Variants in ASIC1 observed in about 807,000 individuals in gnomAD.
ASIC1 encodes acid-sensing ion channel 1.
In ASIC1, 21 loss-of-function variants were observed where a neutral mutation model predicts 63.4. That is an observed-to-expected ratio of 0.33 (90% confidence interval 0.23 to 0.48). The LOEUF is 0.48. ASIC1 is among the 20% of genes least tolerant of loss of function. The probability of loss-of-function intolerance (pLI) is 0.99; values close to 1 mark genes in which losing one functional copy is unlikely to be tolerated. For synonymous variants in ASIC1, 258 were observed against 278.2 expected (o/e 0.93, Z 0.72); for missense variants, 478 against 695.5 (o/e 0.69, Z 3.52).
rs1199271546 is a variant in ASIC1 at position 50,080,520 on chromosome 12, A to G, written c.1228A>G (p.Ile410Val). 1.2e-6 allele frequency: 2 copies of G among 1,613,970 alleles called. No individual in the cohort carries two copies. Among genetic ancestry groups the G allele is most frequent in the Non-Finnish European group, 1.7e-6 (2 of 1,180,026 alleles). ...YIGENILVLD[I>V]FFEVLNYETI... ...CAGGGAGAACATCCTGGTGCTGGACATTTTCTTTGAAGTCCTCAACTATGA... is the reference window on the plus strand; with the variant it reads ...CAGGGAGAACATCCTGGTGCTGGACGTTTTCTTTGAAGTCCTCAACTATGA... The change falls in exon 9 of 12, where the codon ATT becomes GTT. Residue 410 changes from isoleucine to valine, a missense_variant. Physicochemically the swap from Ile to Val is conservative, Grantham distance 29 (BLOSUM62 3). Coordinates refer to ENST00000447966, the MANE Select transcript of ASIC1 (RefSeq NM_001095.4).
chr12:50,069,876 A>G (rs1216964788), intron 3 of ASIC1, among the ~76,000 whole-genome samples: 1 of 152,196 alleles, frequency 6.6e-6, no homozygotes, highest in East Asian at 1.9e-4. Flanking sequence ...TTGGAGACAG[A>G]TGACCTCATT....
chr12:50,065,310 C>T (rs774816067), intron 3 of ASIC1, among the ~76,000 whole-genome samples: 30 of 152,104 alleles, frequency 2.0e-4, no homozygotes, highest in Non-Finnish European at 3.2e-4. Context: ...AAGGAGACAG[C>T]GAGAATGAGA....
intron 11 of ASIC1, 89 bp downstream of exon 11, chr12:50,081,453 A>AGGCC: frequency 2.3e-6 from 1 of 441,614 alleles, no homozygotes; most frequent in Non-Finnish European, 3.6e-6. Context: ...CGCCTCTGCC[A>AGGCC]CCACCTTCTC....
At chr12:50,070,493 T>C (rs1950588669) in intron 3 of ASIC1, among the ~76,000 whole-genome samples, 1 of 151,960 alleles carries the variant, frequency 6.6e-6, no homozygotes, top group Non-Finnish European at 1.5e-5. Flanking sequence ...AGTGTGGTCT[T>C]GGTTGCTGTG....
chr12:50,059,155 C>T lies in ASIC1; in HGVS notation c.362+27C>T. 1 of 1,606,534 alleles carries T rather than the reference C, an allele frequency of 6.2e-7. No individual in the cohort carries two copies. On this transcript the variant is annotated intron_variant, in intron 2 of 11. Transcript: ENST00000447966. This position sits in a 1 kb window ranked among gnomAD's most constrained non-coding sequence, Gnocchi z 4.6. ...TGGGTGGCTCCCACCCTCCCTCAGC[C>T]CTGCTCCTGGAGTTGCTTGAGTTCC...
rs1950486059 is a variant in ASIC1, at chr12:50,059,973, G to T, written c.558+19G>T. 4 of 1,610,956 alleles carry T rather than the reference G, an allele frequency of 2.5e-6. No homozygotes were observed. The African/African-American group carries it at 5.3e-5, about 22-fold the overall frequency. On this transcript the variant is annotated intron_variant, in intron 3 of 11. Coordinates refer to ENST00000447966, the MANE Select transcript of ASIC1 (RefSeq NM_001095.4). This position sits in a 1 kb window ranked among gnomAD's most constrained non-coding sequence, Gnocchi z 4.6. The stretch of plus-strand genomic sequence containing the variant: ...CAAGGTGGTGAGTCCCCTCGTGTGG[G>T]GTGTGAGTCAGCCTGGCCCACAGAG...
At chr12:50,076,771 G>A (rs527316235) in intron 3 of ASIC1, 26 of 354,124 alleles carry the variant, frequency 7.3e-5, no homozygotes, top group South Asian at 3.9e-4. Flanking sequence ...CTAGGAAATC[G>A]TTATCACTTC....
At chr12:50,062,612 A>C (rs79710365) in intron 3 of ASIC1, among the ~76,000 whole-genome samples, 1 of 142,946 alleles carries the variant, frequency 7.0e-6, no homozygotes, top group Non-Finnish European at 1.6e-5. Flanking sequence ...GCTTTTGCAA[A>C]GTATAGCGTG....
chr12:50,062,905 G>C (rs1005338317), intron 3 of ASIC1, among the ~76,000 whole-genome samples: 7 of 152,162 alleles, frequency 4.6e-5, no homozygotes. Flanking sequence ...TTGGGAGGGT[G>C]GGGGTGAATA....
At position 50,080,824 on chromosome 12, in the gene ASIC1, G is replaced by A; in HGVS notation, c.1297+235G>A. The stretch of plus-strand genomic sequence containing the variant: ...GCATGAGGGAGGGGTAGGCATGGAA[G>A]TGGAGACTATTTCATATGCCCCTAA... On this transcript the variant is annotated intron_variant, in intron 9 of 11. Coordinates refer to ENST00000447966, the MANE Select transcript of ASIC1 (RefSeq NM_001095.4). 4 of 1,132,346 alleles carry A rather than the reference G, an allele frequency of 3.5e-6. No individual in the cohort carries two copies. In the South Asian group the frequency reaches 5.5e-5, roughly 16 times the overall value. The allele number at this position is 1,132,346 out of a possible 1,614,324, so 70.1% of individuals were successfully genotyped here.
At position 50,059,034 on chromosome 12, in the gene ASIC1, G is replaced by C; in HGVS notation, c.268G>C (p.Val90Leu). ...TGCCTCTCAGCTTACCTTCCCTGCTGTCACGCTGTGCAACCTCAACGAGTT... is the reference window on the plus strand; with the variant it reads ...TGCCTCTCAGCTTACCTTCCCTGCTCTCACGCTGTGCAACCTCAACGAGTT... ...VAASQLTFPA[V>L]TLCNLNEFRF... Residue 90 changes from valine to leucine, a missense_variant, in exon 2 of 12, where the codon GTC becomes CTC. Physicochemically the swap from Val to Leu is conservative, Grantham distance 32. Coordinates refer to ENST00000447966, the MANE Select transcript of ASIC1 (RefSeq NM_001095.4). The surrounding 1 kb of genome is among the most constrained non-coding windows in gnomAD (Gnocchi z 4.6). 1 of 1,614,176 alleles carries C rather than the reference G, an allele frequency of 6.2e-7. No homozygotes were observed. The highest frequency in any genetic ancestry group is 8.5e-7 in the Non-Finnish European group (1 of 1,180,028).
chr12:50,077,096 G>A (rs779647876), intron 3 of ASIC1, 117 bp from the exon 4 acceptor site: 25 of 1,510,098 alleles, frequency 1.7e-5, no homozygotes, highest in South Asian at 9.1e-5. Flanking sequence ...TGGGCTGCAC[G>A]GGAGGAACCA....
intron 3 of ASIC1, chr12:50,076,672 T>C (rs1950658196): frequency 1.4e-5 from 3 of 220,604 alleles, no homozygotes; most frequent in African/African-American, 2.3e-5. Flanking sequence ...ACTTGATGAT[T>C]TAATTGAAGA....
At position 50,059,681 on chromosome 12, in the gene ASIC1, G is replaced by A. The variant is rs1179497297; in HGVS notation, c.363-78G>A. On this transcript the variant is annotated intron_variant, in intron 2 of 11. Coordinates refer to ENST00000447966, the MANE Select transcript of ASIC1 (RefSeq NM_001095.4). This position sits in a 1 kb window ranked among gnomAD's most constrained non-coding sequence, Gnocchi z 4.6. ...CTGGGACTGATCCCCAGGGCTGGAG[G>A]CTGCCCCCATCACCCAAGTTGGGTG... 6.9e-7 allele frequency: 1 copy of A among 1,454,856 alleles called. No individual in the cohort carries two copies. Among genetic ancestry groups the A allele is most frequent in the African/African-American group, 1.4e-5 (1 of 71,532 alleles). The allele number at this position is 1,454,856 out of a possible 1,614,324, so 90.1% of individuals were successfully genotyped here.
chr12:50,070,357 T>TGTGTGTGTGTGTTGGG (rs1160226899), intron 3 of ASIC1, among the ~76,000 whole-genome samples: 11 of 151,204 alleles, frequency 7.3e-5, no homozygotes, highest in Non-Finnish European at 1.6e-4. Context: ...TGCAGTTGGG[T>TGTGTGTGTGTGTTGGG]GTGTGTGTGT....
chr12:50,062,033 C>T (rs1167559300), intron 3 of ASIC1, among the ~76,000 whole-genome samples: 1 of 152,144 alleles, frequency 6.6e-6, no homozygotes, highest in East Asian at 1.9e-4. Flanking sequence ...ATGTCAAAGA[C>T]CTGACCCTGA....
chr12:50,058,605 A>C (rs748325304), intron 1 of ASIC1, 146 bp from the exon 2 acceptor site: 128 of 1,091,884 alleles, frequency 1.2e-4, no homozygotes, highest in Non-Finnish European at 1.5e-4. Context: ...TTGGTCAGCC[A>C]CCTCTGGGCT....
At chr12:50,060,459 C>T (rs899108523) in intron 3 of ASIC1, among the ~76,000 whole-genome samples, 3 of 152,164 alleles carry the variant, frequency 2.0e-5, no homozygotes, top group African/African-American at 7.2e-5. Context: ...TGAGAAGCAC[C>T]GTGAAGCACA....
intron 10 of ASIC1, 36 bp from the exon 11 acceptor site, chr12:50,081,224 G>C: frequency 3.7e-6 from 6 of 1,604,958 alleles, no homozygotes; most frequent in Non-Finnish European, 5.1e-6. Flanking sequence ...GTGGGGGCGG[G>C]GTCCAGCCCG....
Sources: allele counts gnomAD v4.1 joint callset (sites outside exome capture counted in the v4.1 genomes callset), GRCh38; gene constraint gnomAD v4.1.1; non-coding constraint Gnocchi (gnomAD v3.1); transcripts MANE v1.5; gene names NCBI Gene and HGNC (gene_info 2026-07-23, HGNC 2026-07-21).